The following FAM149A variants were observed in gnomAD, a reference collection of about 807,000 sequenced individuals.
FAM149A encodes the protein protein FAM149A.
A neutral mutation model predicts 78.2 loss-of-function variants in FAM149A; 71 were observed. That is an observed-to-expected ratio of 0.91 (90% CI 0.75 to 1.11). FAM149A has a LOEUF of 1.11. Ranked by LOEUF, FAM149A falls within the 50% of genes least tolerant of loss-of-function variation. The pLI, the probability that FAM149A is intolerant of heterozygous loss-of-function variation, is 0.00. For missense variants in FAM149A, 1,036 were observed against 971.0 expected, an observed-to-expected ratio of 1.07 and a Z score of -0.89; for synonymous variants, 446 against 410.5, an observed-to-expected ratio of 1.09 and a Z score of -1.04.
chr4:186,109,663 T>TA lies in FAM149A; in HGVS notation c.566+4027dup, dbSNP rs909218278. On this transcript the variant is annotated intron_variant, in intron 1 of 13. Coordinates refer to ENST00000389354, the MANE Select transcript of FAM149A (RefSeq NM_001367768.3). ...TAATAAGTAATATATGGAGAAATGCTAAAAAAGTGTTATCTATGATTACTA... is the reference window on the plus strand; with the variant it reads ...TAATAAGTAATATATGGAGAAATGCTAAAAAAAGTGTTATCTATGATTACTA... The TA allele has an allele frequency of 2.0e-5, 20 of 984,206 alleles. No homozygotes were observed. In the African/African-American group the frequency reaches 2.3e-4, roughly 11 times the overall value. The allele number at this position is 984,206 out of a possible 1,614,324, so 61.0% of individuals were successfully genotyped here. A position where few individuals can be genotyped will look rare whatever the true frequency, so the allele number is the denominator to read the frequency against.
chr4:186,124,532 T>A (rs7435857), intron 1 of FAM149A, among the ~76,000 whole-genome samples: 1 of 151,384 alleles, frequency 6.6e-6, no homozygotes, highest in African/African-American at 2.4e-5. Context: ...TCTGTCCTTG[T>A]GACAGTTTGC....
At chr4:186,157,097 C>G (rs1398664574) in intron 7 of FAM149A, among the ~76,000 whole-genome samples, 1 of 152,094 alleles carries the variant, frequency 6.6e-6, no homozygotes, top group Non-Finnish European at 1.5e-5. Flanking sequence ...TTTCATTGTT[C>G]GTGACATTAT....
At chr4:186,125,187 C>T (rs2099317780) in intron 1 of FAM149A, 5 of 865,534 alleles carry the variant, frequency 5.8e-6, no homozygotes, top group Non-Finnish European at 6.9e-6. Flanking sequence ...GAAATCCTTG[C>T]TGTTGGCATC....
intron 8 of FAM149A, among the ~76,000 whole-genome samples, chr4:186,160,099 A>G (rs1680035148): frequency 1.5e-5 from 2 of 130,472 alleles, no homozygotes; most frequent in Admixed American, 1.6e-4. Flanking sequence ...CCACATACAC[A>G]CTACACACAC....
At chr4:186,117,001 G>A (rs2099314008) in intron 1 of FAM149A, among the ~76,000 whole-genome samples, 1 of 152,170 alleles carries the variant, frequency 6.6e-6, no homozygotes, top group Non-Finnish European at 1.5e-5. Flanking sequence ...TTCTTAGAAT[G>A]CTAATTAAGC....
At chr4:186,151,432 T>TA (rs1388454705) in intron 3 of FAM149A, among the ~76,000 whole-genome samples, 1 of 152,176 alleles carries the variant, frequency 6.6e-6, no homozygotes, top group African/African-American at 2.4e-5. Flanking sequence ...TTAAGGAGAT[T>TA]AATGGCCTTT....
In FAM149A at chr4:186,172,026, G is replaced by A. The variant is rs910770099; in HGVS notation, c.*39G>A. The stretch of plus-strand genomic sequence containing the variant: ...GAACCATTGGAGCACCTGTGGCCTC[G>A]GCACACTGCTTATCACTTGAAAAAT... On this transcript the variant is annotated 3_prime_UTR_variant, in exon 14 of 14. Coordinates refer to ENST00000389354, the MANE Select transcript of FAM149A (RefSeq NM_001367768.3). 5.6e-6 allele frequency: 9 copies of A among 1,601,260 alleles called. No individual in the cohort carries two copies. The highest frequency in any genetic ancestry group is 2.3e-5 in the South Asian group (2 of 88,344).
intron 1 of FAM149A, among the ~76,000 whole-genome samples, chr4:186,128,054 G>A (rs550763317): frequency 1.5e-5 from 2 of 137,814 alleles, no homozygotes; most frequent in South Asian, 4.8e-4. Flanking sequence ...GCAATGGTAC[G>A]ATTTCAGCTC....
At chr4:186,116,839 G>A (rs1056532272) in intron 1 of FAM149A, 10 of 860,080 alleles carry the variant, frequency 1.2e-5, no homozygotes, top group Non-Finnish European at 1.4e-5. Flanking sequence ...TATCCAACAA[G>A]CATGGCCCTT....
intron 1 of FAM149A, among the ~76,000 whole-genome samples, chr4:186,119,787 C>T (rs924383415): frequency 6.6e-6 from 1 of 152,148 alleles, no homozygotes; most frequent in Non-Finnish European, 1.5e-5. Flanking sequence ...TAAAATGCAA[C>T]ATTTAATTCA....
chr4:186,141,824 A>G (rs1317440916), intron 1 of FAM149A, among the ~76,000 whole-genome samples: 1 of 152,196 alleles, frequency 6.6e-6, no homozygotes. Flanking sequence ...AAATCATAAG[A>G]GAATTGGCCC....
At chr4:186,162,744 G>A in intron 8 of FAM149A, 101 bp from the exon 9 acceptor site, 1 of 647,340 alleles carries the variant, frequency 1.5e-6, no homozygotes, top group South Asian at 1.9e-5. Flanking sequence ...TGGTGAGTGT[G>A]CCGGGTGTTT....
chr4:186,163,027 C>G, intron 9 of FAM149A, 79 bp downstream of exon 9: 1 of 838,820 alleles, frequency 1.2e-6, no homozygotes, highest in East Asian at 2.5e-5. Flanking sequence ...CTGCAGGGGA[C>G]ATGAGATCAC....
chr4:186,151,832 A>G (rs1733609029), intron 3 of FAM149A, 71 bp from the exon 4 acceptor site: 2 of 1,566,610 alleles, frequency 1.3e-6, no homozygotes, highest in Admixed American at 1.9e-5. Flanking sequence ...TAAATGTATA[A>G]GTAGCGTTGA....
At chr4:186,140,743 A>G (rs1216117975) in intron 1 of FAM149A, among the ~76,000 whole-genome samples, 2 of 152,212 alleles carry the variant, frequency 1.3e-5, no homozygotes, top group Non-Finnish European at 2.9e-5. Context: ...GTACTTTTCA[A>G]TTCTCAATTA....
intron 13 of FAM149A, among the ~76,000 whole-genome samples, chr4:186,171,709 C>T (rs541768654): frequency 6.6e-5 from 10 of 152,274 alleles, no homozygotes; most frequent in Middle Eastern, 3.4e-3. Context: ...CCTGCACCTC[C>T]GCTTGATTTT....
At chr4:186,169,111 T>C in intron 13 of FAM149A, 3 of 763,186 alleles carry the variant, frequency 3.9e-6, no homozygotes, top group Non-Finnish European at 4.8e-6. Context: ...AAGTAGAGGT[T>C]TGGAGTGGGA....
In FAM149A at chr4:186,120,917, T is replaced by G. The variant is rs112326957; in HGVS notation, c.566+15275T>G. 4.2e-3 allele frequency among the ~76,000 whole-genome samples: 548 copies of G among 130,752 alleles called. 2 individuals carry two copies. The highest frequency in any genetic ancestry group is 0.014 in the African/African-American group (517 of 35,802). 85.8% of individuals were successfully genotyped at this position (130,752 alleles called of 152,430 possible). A position where few individuals can be genotyped will look rare whatever the true frequency, so the allele number is the denominator to read the frequency against. On this transcript the variant is annotated intron_variant, in intron 1 of 13. Transcript: ENST00000389354. ...TGTCCAGGCTGGAGTGCAGTGGCGC[T>G]ATCTCGGCTCGCTGCAAGCTCCGCC... is the stretch of plus-strand genomic sequence containing the variant.
At chr4:186,146,926 G>A (rs985410477) in intron 1 of FAM149A, 15 of 985,338 alleles carry the variant, frequency 1.5e-5, no homozygotes, top group Non-Finnish European at 1.8e-5. Flanking sequence ...GGCATCTTTT[G>A]TGTGACGAGT....
Sources: allele counts gnomAD v4.1 joint callset (sites outside exome capture counted in the v4.1 genomes callset), GRCh38; gene constraint gnomAD v4.1.1; transcripts MANE v1.5; gene names NCBI Gene and HGNC (gene_info 2026-07-23, HGNC 2026-07-21).